The following C19orf53 variants were observed in gnomAD, a reference collection of about 807,000 sequenced individuals.
C19orf53 encodes the protein chromosome 19 open reading frame 53.
Under a neutral mutation model 6.5 loss-of-function variants are expected in C19orf53, and 9 were observed. The observed-to-expected ratio is 1.38, with a 90% CI of 0.83 to 2.40. The LOEUF is 2.40. Among genes scored for constraint, C19orf53 ranks in the 30% most tolerant of loss-of-function variants. C19orf53 has a pLI of 0.00. For missense variants in C19orf53, 166 were observed against 129.7 expected (o/e 1.28, Z -1.36); for synonymous variants, 68 against 52.5 (o/e 1.29, Z -1.27).
rs751013148 is a variant in C19orf53, at chr19:13,774,639, C to T, written c.98-13C>T. ...CCGGCTTCCCGGCCTCACGTGAGCA[C>T]ATCTTTCCCCAGGTCGTGTTATCGC... On this transcript the variant is annotated splice_polypyrimidine_tract_variant and intron_variant, in intron 1 of 2. Coordinates refer to ENST00000588234, the MANE Select transcript of C19orf53 (RefSeq NM_014047.3). 1.9e-6 allele frequency: 3 copies of T among 1,611,672 alleles called. No individual in the cohort carries two copies. The highest frequency in any genetic ancestry group is 3.3e-5 in the Admixed American group (2 of 59,924).
At chr19:13,776,916 C>T (rs960040950) in intron 2 of C19orf53, among the ~76,000 whole-genome samples, 1 of 152,064 alleles carries the variant, frequency 6.6e-6, no homozygotes, top group African/African-American at 2.4e-5. Context: ...TTAGCTGTCC[C>T]GATGCTGGTG....
chr19:13,776,945 G>GTTTTTGGTTTTTGT (rs147058535), intron 2 of C19orf53, among the ~76,000 whole-genome samples: 1 of 151,614 alleles, frequency 6.6e-6, no homozygotes, highest in Non-Finnish European at 1.5e-5. Context: ...CATTGGAACT[G>GTTTTTGGTTTTTGT]TTTTTGTTTT....
intron 2 of C19orf53, chr19:13,775,404 C>T (rs1250236201): frequency 2.6e-5 from 4 of 153,656 alleles, no homozygotes; most frequent in Non-Finnish European, 5.8e-5. Flanking sequence ...CTCAGCCTCT[C>T]GAGTAGGTAG....
rs116723748 is a variant in C19orf53 at position 13,776,833 on chromosome 19, G to T, written c.154-1219G>T. The stretch of plus-strand genomic sequence containing the variant: ...ATCCTTTAACAGTGTAACATATTAC[G>T]CTACTGATGCTTATATTGTCCCGGT... On this transcript the variant is annotated intron_variant, in intron 2 of 2. Transcript: ENST00000588234. Among the ~76,000 whole-genome samples, 35 of 152,276 alleles carry T rather than the reference G, an allele frequency of 2.3e-4. No homozygotes were observed. In the East Asian group the frequency reaches 6.0e-3, roughly 26 times the overall value.
intron 2 of C19orf53, 137 bp downstream of exon 2, chr19:13,774,844 A>G: frequency 8.3e-7 from 1 of 1,207,686 alleles, no homozygotes; most frequent in Non-Finnish European, 1.1e-6. Flanking sequence ...GCTAGGAGCG[A>G]GGGGATAGAG....
Position 13,774,539 on chromosome 19 carries a change from C to T in C19orf53, c.62C>T (p.Ala21Val). Residue 21 changes from alanine (A) to valine (V), a missense_variant, in exon 1 of 3, where the codon GCA (alanine) becomes GTA (valine). Physicochemically the swap from Ala to Val is moderately conservative, Grantham distance 64. Coordinates refer to ENST00000588234, the MANE Select transcript of C19orf53 (RefSeq NM_014047.3). The stretch of plus-strand genomic sequence containing the variant: ...CCCGCAAAGAGTAAGACGGCAGCGG[C>T]AGCCTCTGAAAAGAATCGGGGCCCA... ...HKPAKSKTAA[A>V]ASEKNRGPRK... 1 of 1,614,012 alleles carries T rather than the reference C, an allele frequency of 6.2e-7. No homozygotes were observed. Among genetic ancestry groups the T allele is most frequent in the Non-Finnish European group, 8.5e-7 (1 of 1,179,896 alleles).
chr19:13,774,775 G>A (rs973923628), intron 2 of C19orf53, 68 bp downstream of exon 2: 5 of 1,539,106 alleles, frequency 3.2e-6, no homozygotes, highest in South Asian at 2.5e-5. Flanking sequence ...GGAGGACGGC[G>A]AGGGGGGATG....
intron 2 of C19orf53, among the ~76,000 whole-genome samples, chr19:13,777,137 A>C (rs1423687030): frequency 6.6e-6 from 1 of 151,842 alleles, no homozygotes; most frequent in Non-Finnish European, 1.5e-5. Context: ...TTTTTAGTAG[A>C]GATTGGGTTT....
At chr19:13,774,728 G>A in intron 2 of C19orf53, 21 bp downstream of exon 2, 1 of 1,586,372 alleles carries the variant, frequency 6.3e-7, no homozygotes, top group Non-Finnish European at 8.6e-7. Context: ...GCGAGAGATG[G>A]AGCCCGGAGG....
chr19:13,774,642 C>T lies in C19orf53; in HGVS notation c.98-10C>T. 3 of 1,611,832 alleles carry T rather than the reference C, an allele frequency of 1.9e-6. No homozygotes were observed. The highest frequency in any genetic ancestry group is 1.7e-4 in the Middle Eastern group (1 of 6,046). ...GCTTCCCGGCCTCACGTGAGCACAT[C>T]TTTCCCCAGGTCGTGTTATCGCTCC... On this transcript the variant is annotated splice_polypyrimidine_tract_variant and intron_variant, in intron 1 of 2. Coordinates refer to ENST00000588234, the MANE Select transcript of C19orf53 (RefSeq NM_014047.3).
intron 2 of C19orf53, among the ~76,000 whole-genome samples, chr19:13,775,981 G>T (rs769180813): frequency 1.3e-4 from 20 of 151,672 alleles, no homozygotes; most frequent in Non-Finnish European, 2.8e-4. Context: ...TTTTGAGATG[G>T]AGTCTCGCTC....
At position 13,778,150 on chromosome 19, in the gene C19orf53, C is replaced by G; in HGVS notation, c.252C>G (p.Ala84=). Residue 84 remains alanine (A), a synonymous_variant, in exon 3 of 3, where the codon GCC becomes GCG. Coordinates refer to ENST00000588234, the MANE Select transcript of C19orf53 (RefSeq NM_014047.3). The stretch of plus-strand genomic sequence containing the variant: ...AGCTGGCACTGCTGAAGGCCCCAGC[C>G]AAGAAGAAAGGGGCAGCTGCCGCCA... ...PKKLALLKAP[A]KKKGAAAATS... is the part of the protein sequence containing the mutation. 6.2e-7 allele frequency: 1 copy of G among 1,612,400 alleles called. No individual in the cohort carries two copies. The highest frequency in any genetic ancestry group is 8.5e-7 in the Non-Finnish European group (1 of 1,178,980).
rs1202657678 is a variant in C19orf53 at position 13,774,686 on chromosome 19, G to A, written c.132G>A (p.Val44=). 2.5e-6 allele frequency: 4 copies of A among 1,608,680 alleles called. No homozygotes were observed. Among genetic ancestry groups the A allele is most frequent in the Non-Finnish European group, 3.4e-6 (4 of 1,175,612 alleles). Reference sequence around the variant, plus strand: ...TCGCTCCCAAGAAGGCGCGCGTCGTGCAGCAGCAAAAGCTCAAGAAGGTGT... The same window carrying A: ...TCGCTCCCAAGAAGGCGCGCGTCGTACAGCAGCAAAAGCTCAAGAAGGTGT... ...RVIAPKKARV[V]QQQKLKKNLE... is the part of the protein sequence containing the mutation. The change falls in exon 2 of 3, where the codon GTG becomes GTA. Residue 44 remains valine, a synonymous_variant. Coordinates refer to ENST00000588234, the MANE Select transcript of C19orf53 (RefSeq NM_014047.3).
intron 2 of C19orf53, among the ~76,000 whole-genome samples, chr19:13,776,600 GC>G (rs1974374335): frequency 6.6e-6 from 1 of 152,018 alleles, no homozygotes. Context: ...AGCCTTACTG[GC>G]CCCTGACCCC....
Position 13,778,379 on chromosome 19 carries a change from A to G in C19orf53, c.*181A>G, listed in dbSNP as rs1315976019. The G allele has an allele frequency of 6.0e-5, 40 of 670,008 alleles. No individual in the cohort carries two copies. Among genetic ancestry groups the G allele is most frequent in the Non-Finnish European group, 8.5e-5 (37 of 435,846 alleles). The allele number at this position is 670,008 out of a possible 1,614,324, so 41.5% of individuals were successfully genotyped here. On this transcript the variant is annotated 3_prime_UTR_variant, in exon 3 of 3. Coordinates refer to ENST00000588234, the MANE Select transcript of C19orf53 (RefSeq NM_014047.3). Reference sequence around the variant, plus strand: ...CAGCAATGACCAGGAAGATACAGTCACTAACTTCATCTGTCCCCGTGCCCC... The same window carrying G: ...CAGCAATGACCAGGAAGATACAGTCGCTAACTTCATCTGTCCCCGTGCCCC...
intron 2 of C19orf53, among the ~76,000 whole-genome samples, chr19:13,776,124 ATTTTTTTTTTTTTT>A (rs57201742): frequency 1.2e-5 from 1 of 84,920 alleles, no homozygotes; most frequent in Non-Finnish European, 2.2e-5. Context: ...CACCGGGCTA[ATTTTTTTTTTTTTT>A]TTTTTTTTTT....
chr19:13,777,466 TC>T (rs540233852), intron 2 of C19orf53, among the ~76,000 whole-genome samples: 2 of 152,178 alleles, frequency 1.3e-5, no homozygotes, highest in Non-Finnish European at 2.9e-5. Flanking sequence ...GCTCAAGTGA[TC>T]TTCCTGCCTC....
At chr19:13,774,967 C>T (rs1428019744) in intron 2 of C19orf53, 5 of 556,174 alleles carry the variant, frequency 9.0e-6, no homozygotes, top group Non-Finnish European at 1.6e-5. Flanking sequence ...GAGATGAAAT[C>T]TGGAGGCCGG....
Position 13,774,501 on chromosome 19 carries a change from T to A in C19orf53, c.24T>A (p.Phe8Leu), listed in dbSNP as rs1255639881. Residue 8 changes from phenylalanine (F) to leucine (L), a missense_variant, in exon 1 of 3, where the codon TTT becomes TTA. Coordinates refer to ENST00000588234, the MANE Select transcript of C19orf53 (RefSeq NM_014047.3). The part of the protein sequence containing the change: MAQGQRK[F>L]QAHKPAKSKT... ...CCATGGCGCAGGGGCAGCGCAAGTT[T>A]CAGGCGCACAAACCCGCAAAGAGTA... 1.9e-6 allele frequency: 3 copies of A among 1,612,350 alleles called. No homozygotes were observed. The highest frequency in any genetic ancestry group is 2.5e-6 in the Non-Finnish European group (3 of 1,179,272).
Sources: allele counts gnomAD v4.1 joint callset (sites outside exome capture counted in the v4.1 genomes callset), GRCh38; gene constraint gnomAD v4.1.1; transcripts MANE v1.5; gene names NCBI Gene and HGNC (gene_info 2026-07-23, HGNC 2026-07-21).